SAE1: variants seen among roughly 807,000 people sequenced by gnomAD.
The protein encoded by SAE1 is SUMO1 activating enzyme subunit 1.
Under a neutral mutation model 40.6 loss-of-function variants are expected in SAE1, and 11 were observed. That is an observed-to-expected ratio of 0.27 (90% CI 0.17 to 0.45). The LOEUF is 0.45. Among genes scored for constraint, SAE1 ranks in the 20% least tolerant of loss-of-function variants. The probability of loss-of-function intolerance (pLI) is 1.00; values close to 1 mark genes in which losing one functional copy is unlikely to be tolerated. For missense variants in SAE1, 373 were observed against 427.3 expected, an observed-to-expected ratio of 0.87 and a Z score of 1.12; for synonymous variants, 155 against 154.3, an observed-to-expected ratio of 1.00 and a Z score of -0.03.
At chr19:47,140,766 A>T (rs1423294208) in intron 1 of SAE1, among the ~76,000 whole-genome samples, 1 of 152,106 alleles carries the variant, frequency 6.6e-6, no homozygotes. Flanking sequence ...CTGCCCTTCA[A>T]TCTGGGTTCA....
At chr19:47,165,573 A>T (rs1463272284) in intron 5 of SAE1, among the ~76,000 whole-genome samples, 2 of 152,046 alleles carry the variant, frequency 1.3e-5, no homozygotes, top group Non-Finnish European at 2.9e-5. Context: ...AGTGGATGCC[A>T]CTCCCTGGCA....
intron 5 of SAE1, among the ~76,000 whole-genome samples, chr19:47,163,500 G>T (rs1600173259): frequency 6.6e-6 from 1 of 152,214 alleles, no homozygotes; most frequent in South Asian, 2.1e-4. Context: ...GGCCAAGGCG[G>T]GTGGATCACT....
intron 6 of SAE1, among the ~76,000 whole-genome samples, chr19:47,189,888 T>C (rs1267317415): frequency 6.6e-6 from 1 of 152,248 alleles, no homozygotes; most frequent in Non-Finnish European, 1.5e-5. Flanking sequence ...TGATTAATAA[T>C]GTTGCTGTCC....
At chr19:47,153,068 A>G in intron 4 of SAE1, 28 bp downstream of exon 4, 1 of 1,557,530 alleles carries the variant, frequency 6.4e-7, no homozygotes, top group Non-Finnish European at 8.7e-7. Flanking sequence ...AGGGGAGAAC[A>G]TAACATTTTC....
At chr19:47,195,733 C>CT (rs2058609779) in intron 6 of SAE1, among the ~76,000 whole-genome samples, 2 of 118,934 alleles carry the variant, frequency 1.7e-5, no homozygotes, top group Admixed American at 9.6e-5. Context: ...TCCTTTTTTT[C>CT]TTCTTTTTTT....
chr19:47,148,776 G>A (rs538220593), intron 2 of SAE1, among the ~76,000 whole-genome samples: 24 of 151,514 alleles, frequency 1.6e-4, no homozygotes, highest in African/African-American at 4.8e-4. Flanking sequence ...CACCACGTCC[G>A]GCTAATTTTG....
intron 8 of SAE1, among the ~76,000 whole-genome samples, chr19:47,206,420 G>A (rs779857571): frequency 1.3e-5 from 2 of 152,196 alleles, no homozygotes; most frequent in African/African-American, 2.4e-5. Context: ...CTGTCTGAGC[G>A]CCTATGGAAA....
chr19:47,208,982 G>A (rs2058699365), intron 8 of SAE1, among the ~76,000 whole-genome samples, 177 bp from the exon 9 acceptor site: 1 of 152,192 alleles, frequency 6.6e-6, no homozygotes, highest in African/African-American at 2.4e-5. Context: ...AGCTTGTAAG[G>A]GACAGAGCAA....
chr19:47,172,767 C>CA (rs992963906), intron 6 of SAE1, among the ~76,000 whole-genome samples: 1,678 of 133,230 alleles, frequency 0.013, 6 homozygotes, highest in Middle Eastern at 0.042. Context: ...GTGTACACGC[C>CA]AAAAAAAAAA....
chr19:47,132,889 C>CA (rs60901263), intron 1 of SAE1, among the ~76,000 whole-genome samples: 27,333 of 109,216 alleles, frequency 0.25, 2,643 homozygotes, highest in East Asian at 0.4. Flanking sequence ...GGCCCCGTCT[C>CA]AAAAAAAAAA....
intron 1 of SAE1, among the ~76,000 whole-genome samples, chr19:47,141,301 C>G (rs2123188686): frequency 6.6e-6 from 1 of 151,972 alleles, no homozygotes; most frequent in South Asian, 2.1e-4. Context: ...CACGCCTGGC[C>G]ATAATTTTTT....
At position 47,197,316 on chromosome 19, in the gene SAE1, C is replaced by A. The variant is rs1461462870; in HGVS notation, c.817C>A (p.Arg273=). Residue 273 remains arginine (R), a synonymous_variant, in exon 7 of 9, where the codon CGA becomes AGA. Transcript: ENST00000270225. Reference sequence around the variant, plus strand: ...AGATTCTGAGTTGTTGCTCCAGATACGAAATGATGTGCTTGACTCACTGGG... The same window carrying A: ...AGATTCTGAGTTGTTGCTCCAGATAAGAAATGATGTGCTTGACTCACTGGG... ...EEDSELLLQI[R]NDVLDSLGIS... 1.2e-6 allele frequency: 2 copies of A among 1,613,976 alleles called. No homozygotes were observed. The highest frequency in any genetic ancestry group is 1.7e-4 in the Middle Eastern group (1 of 6,060).
At chr19:47,183,809 T>A (rs2058526096) in intron 6 of SAE1, among the ~76,000 whole-genome samples, 2 of 152,188 alleles carry the variant, frequency 1.3e-5, no homozygotes, top group African/African-American at 4.8e-5. Context: ...GAGCAGCAGA[T>A]GCCTAGAGTC....
rs1245017238 is a variant in SAE1 at position 47,209,204 on chromosome 19, G to A, written c.994G>A (p.Asp332Asn). ...TCCTCACAACAACTTCTTCTTCTTCGATGGCATGAAGGGGAATGGGATTGT... is the reference window on the plus strand; with the variant it reads ...TCCTCACAACAACTTCTTCTTCTTCAATGGCATGAAGGGGAATGGGATTGT... ...DPPHNNFFFF[D>N]GMKGNGIVEC... is the part of the protein sequence containing the mutation. The change falls in exon 9 of 9, where the codon GAT becomes AAT. Residue 332 changes from aspartate to asparagine, a missense_variant. By Grantham distance (23) the Asp-to-Asn change is conservative (BLOSUM62 1). Around this residue, in one of 3 missense-constraint regions of SAE1, gnomAD observed 351 missense variants for 390.6 expected, o/e 0.90. Transcript: ENST00000270225. 55 of 1,613,584 alleles carry A rather than the reference G, an allele frequency of 3.4e-5. No individual in the cohort carries two copies. In the East Asian group the frequency reaches 9.1e-4, roughly 27 times the overall value.
intron 1 of SAE1, among the ~76,000 whole-genome samples, chr19:47,138,018 T>C (rs1271651353): frequency 6.6e-6 from 1 of 151,744 alleles, no homozygotes. Context: ...CGTGAGCCAC[T>C]ACACCCGGCC....
chr19:47,190,396 AT>A (rs1269358735), intron 6 of SAE1, among the ~76,000 whole-genome samples: 1 of 152,298 alleles, frequency 6.6e-6, no homozygotes, highest in African/African-American at 2.4e-5. Context: ...ACAAAGGAGA[AT>A]TTAATAAGCG....
chr19:47,168,201 A>C (rs1043875955), intron 5 of SAE1, among the ~76,000 whole-genome samples: 2 of 152,054 alleles, frequency 1.3e-5, no homozygotes, highest in African/African-American at 4.8e-5. Flanking sequence ...GGAAAAAAAA[A>C]ATGTTTAAAA....
intron 5 of SAE1, among the ~76,000 whole-genome samples, chr19:47,158,232 T>C (rs183710941): frequency 5.3e-5 from 8 of 152,196 alleles, no homozygotes; most frequent in African/African-American, 1.9e-4. Context: ...CCTAAATTAG[T>C]AACGTTGAAA....
chr19:47,137,506 A>AT (rs1176894704), intron 1 of SAE1, among the ~76,000 whole-genome samples: 6 of 152,292 alleles, frequency 3.9e-5, no homozygotes, highest in African/African-American at 1.4e-4. Flanking sequence ...TTACAACTAA[A>AT]ATTTTTTTTT....
Sources: allele counts gnomAD v4.1 joint callset (sites outside exome capture counted in the v4.1 genomes callset), GRCh38; gene constraint gnomAD v4.1.1; regional missense constraint gnomAD v4.1.1; transcripts MANE v1.5; gene names NCBI Gene and HGNC (gene_info 2026-07-23, HGNC 2026-07-21).